Variants in TNKS observed in about 807,000 individuals in gnomAD.
The protein encoded by TNKS is tankyrase.
Under a neutral mutation model 135.8 loss-of-function variants are expected in TNKS, and 72 were observed. That is an observed-to-expected ratio of 0.53 (90% confidence interval 0.44 to 0.64). The LOEUF (loss-of-function observed/expected upper bound fraction) is 0.64, where lower values mean the gene tolerates loss of function less well. Among genes scored for constraint, TNKS ranks in the 30% least tolerant of loss-of-function variants. TNKS has a pLI of 0.00. For synonymous variants in TNKS, 849 were observed against 649.3 expected, an observed-to-expected ratio of 1.31 and a Z score of -4.68; for missense variants, 1,769 against 1,674.0, an observed-to-expected ratio of 1.06 and a Z score of -0.99.
chr8:9,648,891 G>A (rs1350416107), intron 3 of TNKS, among the ~76,000 whole-genome samples: 1 of 151,620 alleles, frequency 6.6e-6, no homozygotes, highest in Non-Finnish European at 1.5e-5. Context: ...TTATATCTAG[G>A]CTTAGAACTA....
chr8:9,690,485 C>T (rs1803213291), intron 5 of TNKS, among the ~76,000 whole-genome samples: 1 of 152,052 alleles, frequency 6.6e-6, no homozygotes, highest in Non-Finnish European at 1.5e-5. Context: ...TTTGGCCAAG[C>T]ATGGTGGCTC....
chr8:9,701,512 C>G (rs530530219), intron 5 of TNKS, among the ~76,000 whole-genome samples: 10 of 152,286 alleles, frequency 6.6e-5, no homozygotes, highest in African/African-American at 2.4e-4. Context: ...AGTTTTCAAA[C>G]TGCAATGAAA....
In TNKS at chr8:9,735,357, AT is replaced by A. The variant is rs760471433; in HGVS notation, c.2534-12del. The A allele has an allele frequency of 3.7e-5, 59 of 1,595,690 alleles. No individual in the cohort carries two copies. The highest frequency in any genetic ancestry group is 1.7e-4 in the Middle Eastern group (1 of 6,044). On this transcript the variant is annotated intron_variant, in intron 16 of 26. Coordinates refer to ENST00000310430, the MANE Select transcript of TNKS (RefSeq NM_003747.3). ...TCCTTTAAGCTGACACGTTTCCTGTATTTTTTTTACTCTAAATAGCAGGCTA... is the reference window on the plus strand; with the variant it reads ...TCCTTTAAGCTGACACGTTTCCTGTATTTTTTTACTCTAAATAGCAGGCTA...
chr8:9,650,178 T>G (rs1438225803), intron 3 of TNKS, among the ~76,000 whole-genome samples: 1 of 152,092 alleles, frequency 6.6e-6, no homozygotes, highest in African/African-American at 2.4e-5. Flanking sequence ...AGGGGTGAGC[T>G]ACTGTGCCCA....
chr8:9,684,994 T>C (rs1802929582), intron 5 of TNKS, among the ~76,000 whole-genome samples: 1 of 152,152 alleles, frequency 6.6e-6, no homozygotes, highest in Non-Finnish European at 1.5e-5. Flanking sequence ...GTATTTAGTA[T>C]ACCCTTCTGT....
chr8:9,644,575 C>T (rs1800843765), intron 3 of TNKS, among the ~76,000 whole-genome samples: 1 of 152,098 alleles, frequency 6.6e-6, no homozygotes, highest in Non-Finnish European at 1.5e-5. Flanking sequence ...GCTTGTCTCC[C>T]ATGTTGTTTG....
chr8:9,570,268 C>T (rs1797707394), intron 1 of TNKS, among the ~76,000 whole-genome samples: 1 of 152,054 alleles, frequency 6.6e-6, no homozygotes, highest in Non-Finnish European at 1.5e-5. Context: ...AGCGAGATCC[C>T]TGTCTCTACA....
intron 9 of TNKS, among the ~76,000 whole-genome samples, chr8:9,709,670 C>G (rs907817022): frequency 6.6e-6 from 1 of 152,088 alleles, no homozygotes; most frequent in Non-Finnish European, 1.5e-5. Flanking sequence ...TTATGATGCT[C>G]TCCATGGAAT....
At chr8:9,708,324 A>C in intron 8 of TNKS, 47 bp from the exon 9 acceptor site, 1 of 1,437,940 alleles carries the variant, frequency 7.0e-7, no homozygotes, top group Non-Finnish European at 9.3e-7. Context: ...GAAGATTTTT[A>C]TACATTTTTA....
At chr8:9,635,122 A>T (rs1270065393) in intron 3 of TNKS, among the ~76,000 whole-genome samples, 1 of 151,856 alleles carries the variant, frequency 6.6e-6, no homozygotes, top group African/African-American at 2.4e-5. Context: ...GTGAGCCGAG[A>T]CCGCGCCACT....
At chr8:9,713,737 C>T (rs1479208944) in intron 11 of TNKS, among the ~76,000 whole-genome samples, 1 of 152,228 alleles carries the variant, frequency 6.6e-6, no homozygotes, top group Admixed American at 6.5e-5. Context: ...CTCCTATTTA[C>T]CCCATCCCAA....
At chr8:9,750,508 C>T (rs1806463186) in intron 18 of TNKS, among the ~76,000 whole-genome samples, 1 of 152,194 alleles carries the variant, frequency 6.6e-6, no homozygotes, top group African/African-American at 2.4e-5. Flanking sequence ...GTAAGACCTC[C>T]TGTGGCAGCG....
chr8:9,557,072 A>G (rs981828357), intron 1 of TNKS: 1 of 187,356 alleles, frequency 5.3e-6, no homozygotes, highest in African/African-American at 2.3e-5. Context: ...TAATAACCCA[A>G]TGAAAGACAT....
chr8:9,556,489 C>T lies in TNKS; in HGVS notation c.550C>T (p.Arg184Trp), dbSNP rs776337463. The T allele has an allele frequency of 1.9e-6, 3 of 1,614,010 alleles. No homozygotes were observed. The highest frequency in any genetic ancestry group is 2.5e-6 in the Non-Finnish European group (3 of 1,180,046). ...GGTCCCAGCAGTGAGCGGGGCCCTACGGGAACTGCTGGAGGCCTGTCGCAA... is the reference window on the plus strand; with the variant it reads ...GGTCCCAGCAGTGAGCGGGGCCCTATGGGAACTGCTGGAGGCCTGTCGCAA... ...TGVPAVSGALRELLEACRNGD... is the reference protein window; with the variant it reads ...TGVPAVSGALWELLEACRNGD... The change falls in exon 1 of 27, where the codon CGG becomes TGG. Residue 184 changes from arginine (R) to tryptophan (W), a missense_variant. Around this residue, in one of 5 missense-constraint regions of TNKS, gnomAD observed 450 missense variants for 304.9 expected, o/e 1.48. Transcript: ENST00000310430.
At chr8:9,653,664 A>G (rs1227173400) in intron 3 of TNKS, among the ~76,000 whole-genome samples, 1 of 152,144 alleles carries the variant, frequency 6.6e-6, no homozygotes, top group Non-Finnish European at 1.5e-5. Flanking sequence ...CACTCTCACA[A>G]CATCATCACC....
chr8:9,754,342 T>A (rs938387928), intron 20 of TNKS, among the ~76,000 whole-genome samples: 1 of 152,222 alleles, frequency 6.6e-6, no homozygotes. Flanking sequence ...AGAATAAATC[T>A]GTTTTTTCAA....
At chr8:9,630,461 T>A (rs1800246433) in intron 3 of TNKS, among the ~76,000 whole-genome samples, 1 of 152,228 alleles carries the variant, frequency 6.6e-6, no homozygotes, top group African/African-American at 2.4e-5. Flanking sequence ...TTGTTAAATC[T>A]GTGTTGGTCT....
At chr8:9,597,836 C>A (rs1223740885) in intron 2 of TNKS, among the ~76,000 whole-genome samples, 1 of 152,060 alleles carries the variant, frequency 6.6e-6, no homozygotes, top group African/African-American at 2.4e-5. Flanking sequence ...GTGGTCTTTT[C>A]CTCAATGTGG....
intron 2 of TNKS, among the ~76,000 whole-genome samples, chr8:9,586,776 G>A (rs1798397382): frequency 6.8e-6 from 1 of 147,752 alleles, no homozygotes; most frequent in African/African-American, 2.5e-5. Flanking sequence ...AAGTTAGGTG[G>A]TAAATAATCC....
Sources: allele counts gnomAD v4.1 joint callset (sites outside exome capture counted in the v4.1 genomes callset), GRCh38; gene constraint gnomAD v4.1.1; regional missense constraint gnomAD v4.1.1; transcripts MANE v1.5; gene names NCBI Gene and HGNC (gene_info 2026-07-23, HGNC 2026-07-21).